Variants in KCNH7 observed in about 807,000 individuals in gnomAD.
The protein encoded by KCNH7 is potassium voltage-gated channel subfamily H member 7.
KCNH7 carries 49 observed loss-of-function variants against 120.8 expected under a neutral mutation model. The observed-to-expected ratio is 0.41, with a 90% CI of 0.32 to 0.51. The LOEUF (loss-of-function observed/expected upper bound fraction) is 0.51. Ranked by LOEUF, KCNH7 falls within the 20% of genes least tolerant of loss-of-function variation. KCNH7 has a pLI of 0.38. For missense variants in KCNH7, 1,097 were observed against 1,446.6 expected, an observed-to-expected ratio of 0.76 and a Z score of 3.92; for synonymous variants, 547 against 516.1, an observed-to-expected ratio of 1.06 and a Z score of -0.81.
chr2:162,591,928 A>G (rs971563626), intron 2 of KCNH7, among the ~76,000 whole-genome samples: 1 of 152,022 alleles, frequency 6.6e-6, no homozygotes, highest in African/African-American at 2.4e-5. Flanking sequence ...CTTGTTATAT[A>G]TGTCCAGTTA....
intron 2 of KCNH7, among the ~76,000 whole-genome samples, chr2:162,745,854 T>C (rs1233198697): frequency 6.6e-6 from 1 of 152,078 alleles, no homozygotes; most frequent in Admixed American, 6.5e-5. Context: ...TTTTTCCCAG[T>C]TGATGTTTAG....
intron 2 of KCNH7, among the ~76,000 whole-genome samples, chr2:162,664,447 C>T (rs1425219902): frequency 2.0e-5 from 3 of 152,144 alleles, no homozygotes; most frequent in Non-Finnish European, 4.4e-5. Context: ...TCACAAGCCT[C>T]ATTTAACAGA....
At chr2:162,823,441 A>T (rs62171422) in intron 2 of KCNH7, among the ~76,000 whole-genome samples, 10,821 of 152,204 alleles carry the variant, frequency 0.071, 416 homozygotes, top group South Asian at 0.11. Flanking sequence ...AAATAAAGAA[A>T]CTAAAATCAA....
intron 2 of KCNH7, among the ~76,000 whole-genome samples, chr2:162,587,837 A>G (rs1264402468): frequency 1.3e-5 from 2 of 152,128 alleles, no homozygotes; most frequent in East Asian, 3.9e-4. Flanking sequence ...ACAAGAAGCC[A>G]AATTCATTTA....
At chr2:162,480,416 G>A (rs541036796) in intron 6 of KCNH7, among the ~76,000 whole-genome samples, 1 of 152,292 alleles carries the variant, frequency 6.6e-6, no homozygotes, top group South Asian at 2.1e-4. Flanking sequence ...GAACTTGTGG[G>A]AAATTTGGGA....
chr2:162,720,765 G>A (rs1226458896), intron 2 of KCNH7, among the ~76,000 whole-genome samples: 1 of 152,114 alleles, frequency 6.6e-6, no homozygotes, highest in African/African-American at 2.4e-5. Context: ...TGAAAGTGAA[G>A]CAATTGTGGT....
At chr2:162,834,132 T>A (rs571837348) in intron 2 of KCNH7, among the ~76,000 whole-genome samples, 2 of 152,168 alleles carry the variant, frequency 1.3e-5, no homozygotes, top group Admixed American at 1.3e-4. Flanking sequence ...AGTAGTCTTA[T>A]CTCTAAGAGA....
At chr2:162,548,122 C>T (rs1195636897) in intron 2 of KCNH7, among the ~76,000 whole-genome samples, 1 of 152,112 alleles carries the variant, frequency 6.6e-6, no homozygotes, top group African/African-American at 2.4e-5. Flanking sequence ...ACTATTTTTA[C>T]AGAAGAATAA....
chr2:162,502,886 C>A (rs889881576), intron 6 of KCNH7, among the ~76,000 whole-genome samples: 1 of 152,002 alleles, frequency 6.6e-6, no homozygotes, highest in Non-Finnish European at 1.5e-5. Flanking sequence ...TGGCTGCACA[C>A]AGGCCTTAAG....
intron 2 of KCNH7, among the ~76,000 whole-genome samples, chr2:162,665,992 A>G (rs1685120063): frequency 6.6e-6 from 1 of 152,188 alleles, no homozygotes; most frequent in Admixed American, 6.5e-5. Flanking sequence ...GGGTATAGAG[A>G]AAAACTTTTT....
At chr2:162,517,627 TTCCCCAA>T in intron 4 of KCNH7, 96 bp downstream of exon 4, 1 of 994,084 alleles carries the variant, frequency 1.0e-6, no homozygotes, top group Non-Finnish European at 1.4e-6. Context: ...TCACATTTCT[TTCCCCAA>T]TGCACAGAGA....
At chr2:162,637,993 A>AT (rs1299038452) in intron 2 of KCNH7, among the ~76,000 whole-genome samples, 5 of 152,200 alleles carry the variant, frequency 3.3e-5, no homozygotes, top group African/African-American at 7.2e-5. Flanking sequence ...ATGGAGGAGC[A>AT]TTTTTTAAAT....
intron 2 of KCNH7, among the ~76,000 whole-genome samples, chr2:162,540,611 C>T (rs1347514592): frequency 2.0e-5 from 3 of 151,948 alleles, no homozygotes; most frequent in African/African-American, 7.2e-5. Context: ...GCCAATGTAA[C>T]TAGGGCTGTG....
intron 2 of KCNH7, among the ~76,000 whole-genome samples, chr2:162,602,892 T>C (rs1694603045): frequency 6.7e-6 from 1 of 148,582 alleles, no homozygotes; most frequent in Non-Finnish European, 1.5e-5. Context: ...GACGTAAAAA[T>C]GTGAGGAGGA....
chr2:162,599,492 T>C (rs927135267), intron 2 of KCNH7, among the ~76,000 whole-genome samples: 9 of 151,978 alleles, frequency 5.9e-5, no homozygotes, highest in African/African-American at 1.7e-4. Context: ...AAATTCTCTA[T>C]GATACTATTT....
chr2:162,515,800 C>A (rs62188236), intron 4 of KCNH7, among the ~76,000 whole-genome samples: 1 of 151,696 alleles, frequency 6.6e-6, no homozygotes, highest in Non-Finnish European at 1.5e-5. Context: ...TCCTTTTGAC[C>A]TTCTTTGGCC....
At chr2:162,497,368 C>G (rs1574030348) in intron 6 of KCNH7, among the ~76,000 whole-genome samples, 1 of 152,166 alleles carries the variant, frequency 6.6e-6, no homozygotes, top group African/African-American at 2.4e-5. Flanking sequence ...CCCCATCCCA[C>G]TATTCTAATC....
intron 7 of KCNH7, among the ~76,000 whole-genome samples, chr2:162,441,999 CTTTT>C (rs779418084): frequency 4.6e-3 from 189 of 41,310 alleles, no homozygotes; most frequent in African/African-American, 0.012. Flanking sequence ...GTTAGGTCTT[CTTTT>C]TTTTTTTTTT....
chr2:162,453,056 AGCTTT>A (rs1405760956), intron 6 of KCNH7, among the ~76,000 whole-genome samples: 1 of 151,970 alleles, frequency 6.6e-6, no homozygotes, highest in Non-Finnish European at 1.5e-5. Context: ...CCCATCATCT[AGCTTT>A]TAAGCCCCAC....
Sources: gnomAD v4.1 joint callset for allele counts (sites outside exome capture counted in the v4.1 genomes callset) on GRCh38, gnomAD v4.1.1 for gene constraint, MANE v1.5 for transcripts, NCBI Gene and HGNC (gene_info 2026-07-23, HGNC 2026-07-21) for gene names.